Variants in ATP10A observed in about 807,000 individuals in gnomAD.
ATP10A encodes the protein phospholipid-transporting ATPase VA.
A neutral mutation model predicts 147.8 loss-of-function variants in ATP10A; 111 were observed. The ratio of observed to expected loss-of-function variants is 0.75; its 90% CI spans 0.64 to 0.88. ATP10A has a LOEUF of 0.88. ATP10A is among the 40% of genes least tolerant of loss of function. The pLI, the probability that ATP10A is intolerant of heterozygous loss-of-function variation, is 0.00. For missense variants in ATP10A, 1,927 were observed against 1,959.0 expected, an observed-to-expected ratio of 0.98 and a Z score of 0.31; for synonymous variants, 875 against 841.6, an observed-to-expected ratio of 1.04 and a Z score of -0.69.
At chr15:25,860,334 A>G (rs1315051742) in intron 1 of ATP10A, among the ~76,000 whole-genome samples, 1 of 152,154 alleles carries the variant, frequency 6.6e-6, no homozygotes. Context: ...CTCGCCAGAC[A>G]TGGAGCCTGC....
intron 3 of ATP10A, among the ~76,000 whole-genome samples, chr15:25,733,511 C>T (rs954432239): frequency 1.3e-5 from 2 of 152,156 alleles, no homozygotes; most frequent in South Asian, 2.1e-4. Flanking sequence ...TCCCCTTGGT[C>T]GTGCCCCACA....
chr15:25,726,143 T>G (rs1233912290), intron 4 of ATP10A, 61 bp from the exon 5 acceptor site: 1 of 1,569,028 alleles, frequency 6.4e-7, no homozygotes, highest in African/African-American at 1.3e-5. Context: ...ACCAGCTGCA[T>G]GGATGGCGTG....
At chr15:25,725,876 C>T in intron 5 of ATP10A, 75 bp downstream of exon 5, 1 of 1,490,212 alleles carries the variant, frequency 6.7e-7, no homozygotes. Context: ...CCTCGGCCTC[C>T]CAAAGTGCTA....
intron 6 of ATP10A, 130 bp from the exon 7 acceptor site, chr15:25,722,039 G>A (rs1902271503): frequency 9.9e-7 from 1 of 1,013,190 alleles, no homozygotes; most frequent in Non-Finnish European, 1.4e-6. Flanking sequence ...CTTTAAGAGA[G>A]CTTAAATAGG....
At chr15:25,741,877 G>A (rs1375814314) in intron 2 of ATP10A, among the ~76,000 whole-genome samples, 3 of 151,520 alleles carry the variant, frequency 2.0e-5, no homozygotes, top group African/African-American at 7.2e-5. Context: ...AAATACCCAA[G>A]TGAAAGCGTC....
Position 25,716,819 on chromosome 15 carries a change from G to T in ATP10A, c.1687C>A (p.Pro563Thr), listed in dbSNP as rs1427684890. ...HQEHLLAHLSPELSDVFDFFI... is the reference protein window; with the variant it reads ...HQEHLLAHLSTELSDVFDFFI... ...AAATCAAAGACGTCAGACAGCTCAGGCGAGAGGTGGGCCAGCAGGTGCTCC... is the reference window on the plus strand; with the variant it reads ...AAATCAAAGACGTCAGACAGCTCAGTCGAGAGGTGGGCCAGCAGGTGCTCC... Residue 563 changes from proline to threonine, a missense_variant, in exon 9 of 21, where the codon CCT (proline) becomes ACT (threonine). By Grantham distance (38) the Pro-to-Thr change is conservative. Transcript: ENST00000555815. The T allele has an allele frequency of 1.9e-6, 3 of 1,611,236 alleles. No homozygotes were observed. The East Asian group carries it at 6.7e-5, about 36-fold the overall frequency.
At chr15:25,711,023 C>CAGAA (rs56042218) in intron 10 of ATP10A, among the ~76,000 whole-genome samples, 93,410 of 151,546 alleles carry the variant, frequency 0.62, 29,042 homozygotes, top group African/African-American at 0.68. Flanking sequence ...AACTGAGGCA[C>CAGAA]AGAGTGAGTG....
chr15:25,699,129 G>A (rs533117208), intron 13 of ATP10A, among the ~76,000 whole-genome samples: 1 of 152,084 alleles, frequency 6.6e-6, no homozygotes, highest in Non-Finnish European at 1.5e-5. Flanking sequence ...AAGAAGACTA[G>A]CCAAAACAAT....
intron 14 of ATP10A, 120 bp from the exon 15 acceptor site, chr15:25,691,911 A>T (rs1900058909): frequency 8.8e-7 from 1 of 1,136,334 alleles, no homozygotes. Context: ...CGTCCTGGGG[A>T]AGATGGGGGA....
At chr15:25,782,039 G>A (rs1889950180) in intron 1 of ATP10A, among the ~76,000 whole-genome samples, 1 of 152,190 alleles carries the variant, frequency 6.6e-6, no homozygotes, top group African/African-American at 2.4e-5. Context: ...AGAATTGCTA[G>A]GAGGTAGGAT....
At chr15:25,773,242 G>A (rs1273570274) in intron 2 of ATP10A, among the ~76,000 whole-genome samples, 1 of 152,162 alleles carries the variant, frequency 6.6e-6, no homozygotes, top group Non-Finnish European at 1.5e-5. Flanking sequence ...CCAAAATACA[G>A]CCTTCCACTT....
chr15:25,848,269 A>C (rs1893120626), intron 1 of ATP10A, among the ~76,000 whole-genome samples: 1 of 152,166 alleles, frequency 6.6e-6, no homozygotes, highest in Non-Finnish European at 1.5e-5. Context: ...GGTGGCTTGA[A>C]GTAACACAAA....
At chr15:25,751,791 T>C (rs1434982200) in intron 2 of ATP10A, among the ~76,000 whole-genome samples, 2 of 151,982 alleles carry the variant, frequency 1.3e-5, no homozygotes, top group Non-Finnish European at 2.9e-5. Flanking sequence ...ATCCAAAGTA[T>C]ACAAGGAGCT....
At chr15:25,740,229 C>T (rs1017330318) in intron 2 of ATP10A, among the ~76,000 whole-genome samples, 4 of 152,172 alleles carry the variant, frequency 2.6e-5, no homozygotes, top group Non-Finnish European at 5.9e-5. Context: ...ATTTACAGTC[C>T]ATTAAAGAGG....
rs1890461654 is a variant in ATP10A, at chr15:25,792,282, G to A, written c.450-11059C>T. 2.0e-5 allele frequency among the ~76,000 whole-genome samples: 3 copies of A among 152,220 alleles called. No homozygotes were observed. The South Asian group carries it at 6.2e-4, about 32-fold the overall frequency. On this transcript the variant is annotated intron_variant, in intron 1 of 20. Coordinates refer to ENST00000555815, the MANE Select transcript of ATP10A (RefSeq NM_024490.4). The stretch of plus-strand genomic sequence containing the variant: ...CCACCATTAGCTTCAGCGCTGAGAG[G>A]AGTCTTCATGCAAAGGTACCTGCTC...
In ATP10A at chr15:25,707,958, G is replaced by A. The variant is rs776057722; in HGVS notation, c.2575+18C>T. 20 of 1,612,728 alleles carry A rather than the reference G, an allele frequency of 1.2e-5. No individual in the cohort carries two copies. The highest frequency in any genetic ancestry group is 8.3e-5 in the Admixed American group (5 of 59,964). On this transcript the variant is annotated intron_variant, in intron 12 of 20. Transcript: ENST00000555815. ...AACTCCACACTGCCCTTAGGCATGCGACTCTCAAGTTAATTACCTAACAAG... is the reference window on the plus strand; with the variant it reads ...AACTCCACACTGCCCTTAGGCATGCAACTCTCAAGTTAATTACCTAACAAG...
At chr15:25,850,695 C>T (rs2140909630) in intron 1 of ATP10A, among the ~76,000 whole-genome samples, 1 of 151,414 alleles carries the variant, frequency 6.6e-6, no homozygotes, top group South Asian at 2.1e-4. Context: ...CGAGACCACG[C>T]CCACCACCCC....
At position 25,681,083 on chromosome 15, in the gene ATP10A, C is replaced by T. The variant is rs745420832; in HGVS notation, c.3493-9G>A. ...GTTCGTGGCCGGTATTCCTGGGACA[C>T]AAAAACAATCAGTGATGTTACAGTG... On this transcript the variant is annotated splice_polypyrimidine_tract_variant and intron_variant, in intron 17 of 20. Transcript: ENST00000555815. 6.2e-7 allele frequency: 1 copy of T among 1,610,188 alleles called. No individual in the cohort carries two copies. The highest frequency in any genetic ancestry group is 8.5e-7 in the Non-Finnish European group (1 of 1,177,124).
intron 1 of ATP10A, among the ~76,000 whole-genome samples, chr15:25,795,314 G>A (rs577678927): frequency 4.6e-5 from 7 of 152,236 alleles, no homozygotes; most frequent in African/African-American, 1.7e-4. Context: ...CCCACGGAGG[G>A]AGGGCCTGCG....
Sources: gnomAD v4.1 joint callset for allele counts (sites outside exome capture counted in the v4.1 genomes callset) on GRCh38, gnomAD v4.1.1 for gene constraint, MANE v1.5 for transcripts, NCBI Gene and HGNC (gene_info 2026-07-23, HGNC 2026-07-21) for gene names.